Variants in PTPN13 observed in about 807,000 individuals in gnomAD.
PTPN13 encodes tyrosine-protein phosphatase non-receptor type 13.
In PTPN13, 191 loss-of-function variants were observed where a neutral mutation model predicts 284.0. That is an observed-to-expected ratio of 0.67 (90% confidence interval 0.60 to 0.76). PTPN13 has a LOEUF of 0.76. Among genes scored for constraint, PTPN13 ranks in the 30% least tolerant of loss-of-function variants. The probability of loss-of-function intolerance (pLI) is 0.00; values close to 1 mark genes in which losing one functional copy is unlikely to be tolerated. For missense variants in PTPN13, 2,797 were observed against 2,939.9 expected, an observed-to-expected ratio of 0.95 and a Z score of 1.12; for synonymous variants, 986 against 1,022.3, an observed-to-expected ratio of 0.96 and a Z score of 0.68.
intron 1 of PTPN13, among the ~76,000 whole-genome samples, chr4:86,613,418 G>A (rs113984910): frequency 0.013 from 1,905 of 152,024 alleles, 36 homozygotes; most frequent in African/African-American, 0.043. Flanking sequence ...GGCAGATCAC[G>A]AAGTCAGGAG....
At chr4:86,792,818 T>A (rs529551391) in intron 40 of PTPN13, among the ~76,000 whole-genome samples, 1 of 152,160 alleles carries the variant, frequency 6.6e-6, no homozygotes, top group Non-Finnish European at 1.5e-5. Flanking sequence ...CTAACAGATT[T>A]TGTCACCACC....
chr4:86,809,907 T>A lies in PTPN13; in HGVS notation c.7222T>A (p.Cys2408Ser). ...CAGATCAGGCCCAATCATTACGCAC[T>A]GCAGTGCTGGCATTGGACGTTCAGG... ...IHRSGPIITHCSAGIGRSGTL... is the reference protein window; with the variant it reads ...IHRSGPIITHSSAGIGRSGTL... The change falls in exon 46 of 48, where the codon TGC becomes AGC. Residue 2408 changes from cysteine (C) to serine (S), a missense_variant. Transcript: ENST00000411767. The A allele has an allele frequency of 6.2e-7, 1 of 1,614,034 alleles. No homozygotes were observed. The highest frequency in any genetic ancestry group is 8.5e-7 in the Non-Finnish European group (1 of 1,179,904).
chr4:86,714,965 T>G (rs758199680), intron 7 of PTPN13, among the ~76,000 whole-genome samples: 1 of 152,092 alleles, frequency 6.6e-6, no homozygotes, highest in Non-Finnish European at 1.5e-5. Flanking sequence ...CTTTATGTGG[T>G]CATAGAAGCT....
In PTPN13 at chr4:86,734,877, T is replaced by C. The variant is rs1378066472; in HGVS notation, c.2151+2T>C. Reference sequence around the variant, plus strand: ...GAGTATGGAGATTATCAACCAGAGGTAGGATTTGTGTTTTTTTCCAGGACC... The same window carrying C: ...GAGTATGGAGATTATCAACCAGAGGCAGGATTTGTGTTTTTTTCCAGGACC... On this transcript the variant is annotated splice_donor_variant, in intron 14 of 47. Coordinates refer to ENST00000411767, the MANE Select transcript of PTPN13 (RefSeq NM_080683.3). LOFTEE classifies it high-confidence loss of function. The C allele has an allele frequency of 5.6e-6, 9 of 1,608,980 alleles. No homozygotes were observed. Among genetic ancestry groups the C allele is most frequent in the Non-Finnish European group, 7.7e-6 (9 of 1,176,368 alleles).
intron 6 of PTPN13, among the ~76,000 whole-genome samples, chr4:86,700,769 T>C (rs924384077): frequency 8.5e-5 from 13 of 152,194 alleles, no homozygotes; most frequent in African/African-American, 3.1e-4. Flanking sequence ...ATAGCAAGAA[T>C]TCTTTGTTTC....
At chr4:86,722,050 A>G (rs184527586) in intron 9 of PTPN13, among the ~76,000 whole-genome samples, 162 bp from the exon 10 acceptor site, 48 of 152,098 alleles carry the variant, frequency 3.2e-4, no homozygotes, top group Middle Eastern at 6.8e-3. Context: ...CCCAGCCTAT[A>G]TATTTCTTCA....
intron 15 of PTPN13, among the ~76,000 whole-genome samples, chr4:86,740,095 G>A (rs1217769809): frequency 6.6e-6 from 1 of 152,168 alleles, no homozygotes; most frequent in African/African-American, 2.4e-5. Context: ...GCTTTTCCAG[G>A]TGCATGGTGC....
At position 86,734,881 on chromosome 4, in the gene PTPN13, A is replaced by G; in HGVS notation, c.2151+6A>G. ...ATGGAGATTATCAACCAGAGGTAGG[A>G]TTTGTGTTTTTTTCCAGGACCATTT... On this transcript the variant is annotated splice_donor_region_variant and intron_variant, in intron 14 of 47. Coordinates refer to ENST00000411767, the MANE Select transcript of PTPN13 (RefSeq NM_080683.3). The G allele has an allele frequency of 6.2e-7, 1 of 1,607,954 alleles. No homozygotes were observed. Among genetic ancestry groups the G allele is most frequent in the Non-Finnish European group, 8.5e-7 (1 of 1,175,574 alleles).
chr4:86,602,358 G>A (rs1764367246), intron 1 of PTPN13, among the ~76,000 whole-genome samples: 1 of 151,964 alleles, frequency 6.6e-6, no homozygotes, highest in Admixed American at 6.6e-5. Flanking sequence ...CTACTTTATG[G>A]GATTGTTGTG....
At chr4:86,799,874 C>T (rs1258914702) in intron 42 of PTPN13, among the ~76,000 whole-genome samples, 10 of 118,290 alleles carry the variant, frequency 8.5e-5, no homozygotes, top group African/African-American at 2.3e-4. Flanking sequence ...CTCTCTCTGT[C>T]GTCCAGGCTG....
intron 35 of PTPN13, among the ~76,000 whole-genome samples, chr4:86,776,031 C>T (rs974947316): frequency 3.3e-5 from 5 of 152,120 alleles, no homozygotes; most frequent in East Asian, 1.9e-4. Context: ...CTGCAACCTC[C>T]GCCTCCCAGA....
chr4:86,803,750 G>T lies in PTPN13; in HGVS notation c.6547G>T (p.Val2183Phe). Reference protein sequence around the residue: ...LTNDELAVLPVVKVLPSGKYT... With the variant: ...LTNDELAVLPFVKVLPSGKYT... ...AAACGATGAGCTCGCTGTACTCCCT[G>T]TCGTCAAAGTGCTTCCCTCTGGTAA... The change falls in exon 43 of 48, where the codon GTC (valine) becomes TTC (phenylalanine). Residue 2183 changes from valine to phenylalanine, a missense_variant. Transcript: ENST00000411767. The T allele has an allele frequency of 6.2e-7, 1 of 1,613,864 alleles. No individual in the cohort carries two copies. Among genetic ancestry groups the T allele is most frequent in the Non-Finnish European group, 8.5e-7 (1 of 1,179,800 alleles).
At chr4:86,709,337 C>A (rs963712393) in intron 7 of PTPN13, among the ~76,000 whole-genome samples, 1 of 152,058 alleles carries the variant, frequency 6.6e-6, no homozygotes, top group Non-Finnish European at 1.5e-5. Flanking sequence ...CTTGTCTTTC[C>A]TCGTACAGAC....
intron 15 of PTPN13, among the ~76,000 whole-genome samples, chr4:86,739,916 A>G (rs992337413): frequency 6.6e-6 from 1 of 152,230 alleles, no homozygotes; most frequent in Non-Finnish European, 1.5e-5. Flanking sequence ...CCAGCAGGGC[A>G]GGCAAACCTT....
At chr4:86,736,042 T>A (rs1377289120) in intron 15 of PTPN13, among the ~76,000 whole-genome samples, 3 of 152,184 alleles carry the variant, frequency 2.0e-5, no homozygotes, top group African/African-American at 4.8e-5. Flanking sequence ...CAAAATACAT[T>A]ATACAGAAGA....
intron 42 of PTPN13, among the ~76,000 whole-genome samples, chr4:86,802,181 T>TG (rs1744113645): frequency 6.9e-6 from 1 of 145,098 alleles, no homozygotes; most frequent in Non-Finnish European, 1.5e-5. Flanking sequence ...GTGTGTGTGG[T>TG]GTGTAAGGAG....
At chr4:86,784,624 A>T in intron 38 of PTPN13, 66 bp downstream of exon 38, 1 of 1,007,802 alleles carries the variant, frequency 9.9e-7, no homozygotes, top group African/African-American at 1.7e-5. Context: ...TTAAAAAAAA[A>T]TAGGTATCCT....
intron 3 of PTPN13, among the ~76,000 whole-genome samples, chr4:86,683,993 A>G (rs1298708189): frequency 6.6e-6 from 1 of 152,116 alleles, no homozygotes; most frequent in Non-Finnish European, 1.5e-5. Context: ...AGTCTGCACT[A>G]GGCTGTCTTG....
At position 86,734,886 on chromosome 4, in the gene PTPN13, T is replaced by A. The variant is rs750091359; in HGVS notation, c.2151+11T>A. The A allele has an allele frequency of 6.2e-7, 1 of 1,607,518 alleles. No homozygotes were observed. The highest frequency in any genetic ancestry group is 1.1e-5 in the South Asian group (1 of 90,422). On this transcript the variant is annotated intron_variant, in intron 14 of 47. Transcript: ENST00000411767. ...GATTATCAACCAGAGGTAGGATTTGTGTTTTTTTCCAGGACCATTTTTGTT... is the reference window on the plus strand; with the variant it reads ...GATTATCAACCAGAGGTAGGATTTGAGTTTTTTTCCAGGACCATTTTTGTT...
Sources: allele counts gnomAD v4.1 joint callset (sites outside exome capture counted in the v4.1 genomes callset), GRCh38; gene constraint gnomAD v4.1.1; transcripts MANE v1.5; gene names NCBI Gene and HGNC (gene_info 2026-07-23, HGNC 2026-07-21).